Variants in PPP2CA observed in about 807,000 individuals in gnomAD.
PPP2CA encodes serine/threonine-protein phosphatase 2A catalytic subunit alpha isoform.
In PPP2CA, 5 loss-of-function variants were observed where a neutral mutation model predicts 38.8. The ratio of observed to expected loss-of-function variants is 0.13; its 90% CI spans 0.07 to 0.27. PPP2CA has a LOEUF of 0.27. PPP2CA is among the 10% of genes least tolerant of loss of function. The pLI, the probability that PPP2CA is intolerant of heterozygous loss-of-function variation, is 1.00. For synonymous variants in PPP2CA, 152 were observed against 134.0 expected, an observed-to-expected ratio of 1.13 and a Z score of -0.93; for missense variants, 88 against 389.7, an observed-to-expected ratio of 0.23 and a Z score of 6.52.
At position 134,196,196 on chromosome 5, in the gene PPP2CA, T is replaced by A. The variant is rs1023145682; in HGVS notation, c.*1576A>T. ...TCAGAAAAGACATTCGGTATGTATG[T>A]GTTCCTCAAGCATTTTAGAAAGGGG... is the stretch of plus-strand genomic sequence containing the variant. On this transcript the variant is annotated 3_prime_UTR_variant, in exon 7 of 7. Coordinates refer to ENST00000481195, the MANE Select transcript of PPP2CA (RefSeq NM_002715.4). 1.3e-5 allele frequency: 2 copies of A among 152,340 alleles called. No individual in the cohort carries two copies. The highest frequency in any genetic ancestry group is 3.9e-4 in the East Asian group (2 of 5,186). The allele number at this position is 152,340 out of a possible 1,614,324, so 9.4% of individuals were successfully genotyped here.
chr5:134,202,321 T>G, intron 2 of PPP2CA: 1 of 259,558 alleles, frequency 3.9e-6, no homozygotes, highest in South Asian at 7.7e-5. Flanking sequence ...TTCACAAATT[T>G]ATAGTTATGC....
chr5:134,211,069 A>C (rs1213710008), intron 1 of PPP2CA, among the ~76,000 whole-genome samples: 1 of 152,198 alleles, frequency 6.6e-6, no homozygotes, highest in Non-Finnish European at 1.5e-5. Context: ...AACTTGAAGA[A>C]AAGCAATCTT....
In PPP2CA at chr5:134,201,115, T is replaced by C. The variant is rs186398667; in HGVS notation, c.487-41A>G. 286 of 1,479,758 alleles carry C rather than the reference T, an allele frequency of 1.9e-4. 1 individual carries two copies. In the East Asian group the frequency reaches 5.9e-3, roughly 31 times the overall value. The allele number at this position is 1,479,758 out of a possible 1,614,324, so 91.7% of individuals were successfully genotyped here. A position where few individuals can be genotyped will look rare whatever the true frequency, so the allele number is the denominator to read the frequency against. On this transcript the variant is annotated intron_variant, in intron 3 of 6. Transcript: ENST00000481195. ...TAAAAGGTTAACCTCACCTAAAAAA[T>C]TTGTAAACATTCTTGGCTGGGCACA...
chr5:134,222,225 G>C (rs1762461658), intron 1 of PPP2CA, among the ~76,000 whole-genome samples: 1 of 152,076 alleles, frequency 6.6e-6, no homozygotes, highest in Non-Finnish European at 1.5e-5. Flanking sequence ...ATAAAAGTAT[G>C]ATAAAAATAA....
At chr5:134,225,003 A>G (rs1352670585) in intron 1 of PPP2CA, among the ~76,000 whole-genome samples, 1 of 152,248 alleles carries the variant, frequency 6.6e-6, no homozygotes, top group Non-Finnish European at 1.5e-5. Flanking sequence ...TTAAGCTTAG[A>G]GAAGGCTTTG....
chr5:134,220,456 C>CAAAAAAAAA (rs10649430), intron 1 of PPP2CA, among the ~76,000 whole-genome samples: 588 of 53,844 alleles, frequency 0.011, 55 homozygotes, highest in Middle Eastern at 0.021. Flanking sequence ...GACTCTATCT[C>CAAAAAAAAA]AAAAAAAAAA....
intron 1 of PPP2CA, among the ~76,000 whole-genome samples, chr5:134,224,871 CACT>C (rs1273013449): frequency 6.6e-6 from 1 of 152,208 alleles, no homozygotes; most frequent in Non-Finnish European, 1.5e-5. Context: ...CAGTTATTAT[CACT>C]ACTACTACTT....
intron 1 of PPP2CA, among the ~76,000 whole-genome samples, chr5:134,214,175 T>C (rs1360156057): frequency 6.6e-6 from 1 of 152,190 alleles, no homozygotes; most frequent in Admixed American, 6.5e-5. Context: ...GGTTAAGATT[T>C]CACTGAAAGC....
intron 2 of PPP2CA, among the ~76,000 whole-genome samples, chr5:134,203,963 G>A (rs1762023033): frequency 6.6e-6 from 1 of 152,142 alleles, no homozygotes; most frequent in Non-Finnish European, 1.5e-5. Flanking sequence ...TCATTCCTCT[G>A]AGCACTGGGA....
chr5:134,220,245 C>T (rs1287740454), intron 1 of PPP2CA, among the ~76,000 whole-genome samples: 4 of 150,794 alleles, frequency 2.7e-5, no homozygotes, highest in South Asian at 2.1e-4. Flanking sequence ...GATCACTTGA[C>T]GTAAGGAGTT....
chr5:134,207,152 C>T (rs1762100676), intron 1 of PPP2CA, among the ~76,000 whole-genome samples: 1 of 152,124 alleles, frequency 6.6e-6, no homozygotes, highest in African/African-American at 2.4e-5. Context: ...ACCTGTAATC[C>T]CAGCACTTTG....
At position 134,209,148 on chromosome 5, in the gene PPP2CA, T is replaced by A. The variant is rs987151565; in HGVS notation, c.103-3017A>T. ...ACTCTTAAGTGAAATTTCTAACTTG[T>A]CAATCTAGAAAAGCCAACCAGAGCT... is the stretch of plus-strand genomic sequence containing the variant. On this transcript the variant is annotated intron_variant, in intron 1 of 6. Coordinates refer to ENST00000481195, the MANE Select transcript of PPP2CA (RefSeq NM_002715.4). Among the ~76,000 whole-genome samples, 3 of 152,158 alleles carry A rather than the reference T, an allele frequency of 2.0e-5. No individual in the cohort carries two copies. In the South Asian group the frequency reaches 6.2e-4, roughly 31 times the overall value.
At chr5:134,204,295 A>G (rs1389604607) in intron 2 of PPP2CA, among the ~76,000 whole-genome samples, 1 of 152,264 alleles carries the variant, frequency 6.6e-6, no homozygotes, top group Non-Finnish European at 1.5e-5. Context: ...AGGTAAAGTC[A>G]AACAATTTAT....
chr5:134,221,959 C>T (rs901263439), intron 1 of PPP2CA, among the ~76,000 whole-genome samples: 1 of 143,212 alleles, frequency 7.0e-6, no homozygotes, highest in African/African-American at 2.7e-5. Flanking sequence ...AAGAGTAAGA[C>T]CTTATCTCAA....
intron 1 of PPP2CA, among the ~76,000 whole-genome samples, chr5:134,214,965 G>T (rs1222519024): frequency 1.3e-5 from 2 of 151,442 alleles, no homozygotes; most frequent in Non-Finnish European, 2.9e-5. Context: ...TCTTAAACTT[G>T]CATCGTTAAC....
intron 3 of PPP2CA, among the ~76,000 whole-genome samples, chr5:134,201,551 T>C (rs998511976): frequency 2.6e-5 from 4 of 152,220 alleles, no homozygotes; most frequent in Non-Finnish European, 5.9e-5. Context: ...AGGCCAATAA[T>C]TAGCTCCTTA....
intron 1 of PPP2CA, among the ~76,000 whole-genome samples, chr5:134,223,811 ATACT>A (rs1444108899): frequency 6.6e-6 from 1 of 152,222 alleles, no homozygotes; most frequent in African/African-American, 2.4e-5. Context: ...GACAATAAGC[ATACT>A]TATTCTTCAT....
intron 3 of PPP2CA, among the ~76,000 whole-genome samples, 153 bp downstream of exon 3, chr5:134,201,695 A>G (rs1184508839): frequency 6.6e-6 from 1 of 152,242 alleles, no homozygotes; most frequent in Non-Finnish European, 1.5e-5. Flanking sequence ...CATTTGTCAA[A>G]TTAAATTTTT....
Position 134,225,972 on chromosome 5 carries a change from G to A in PPP2CA, c.-111C>T. ...GGTTCCTCGTGTACTTCTGGCGGCT[G>A]TTGAGGCTGGCGCTGGCCCGCTGGC... On this transcript the variant is annotated 5_prime_UTR_variant, in exon 1 of 7. Coordinates refer to ENST00000481195, the MANE Select transcript of PPP2CA (RefSeq NM_002715.4). 9.9e-7 allele frequency: 1 copy of A among 1,007,626 alleles called. No homozygotes were observed. Among genetic ancestry groups the A allele is most frequent in the South Asian group, 1.5e-5 (1 of 67,512 alleles). The allele number at this position is 1,007,626 out of a possible 1,614,324, so 62.4% of individuals were successfully genotyped here. A position where few individuals can be genotyped will look rare whatever the true frequency, so the allele number is the denominator to read the frequency against.
Sources: allele counts gnomAD v4.1 joint callset (sites outside exome capture counted in the v4.1 genomes callset), GRCh38; gene constraint gnomAD v4.1.1; transcripts MANE v1.5; gene names NCBI Gene and HGNC (gene_info 2026-07-23, HGNC 2026-07-21).